Variants in PIP5K1C observed in about 807,000 individuals in gnomAD.
PIP5K1C encodes the protein phosphatidylinositol 4-phosphate 5-kinase type-1 gamma.
A neutral mutation model predicts 80.1 loss-of-function variants in PIP5K1C; 45 were observed. The ratio of observed to expected loss-of-function variants is 0.56; its 90% CI spans 0.44 to 0.72. PIP5K1C has a LOEUF of 0.72. PIP5K1C is among the 30% of genes least tolerant of loss of function. The pLI is 0.00. For missense variants in PIP5K1C, 753 were observed against 954.6 expected, an observed-to-expected ratio of 0.79 and a Z score of 2.78; for synonymous variants, 498 against 420.1, an observed-to-expected ratio of 1.19 and a Z score of -2.27.
intron 7 of PIP5K1C, 66 bp from the exon 8 acceptor site, chr19:3,652,097 A>ACCCT (rs1338175639): frequency 1.3e-6 from 2 of 1,512,528 alleles, no homozygotes; most frequent in African/African-American, 2.7e-5. Context: ...CGGCTCCCGG[A>ACCCT]CCCTATGGGG....
At chr19:3,663,809 A>G (rs377469818) in intron 3 of PIP5K1C, among the ~76,000 whole-genome samples, 9 of 152,348 alleles carry the variant, frequency 5.9e-5, no homozygotes, top group African/African-American at 2.2e-4. Context: ...TATGGAGAAC[A>G]GTTTGCGAGT....
intron 9 of PIP5K1C, 104 bp from the exon 10 acceptor site, chr19:3,647,490 C>A: frequency 1.0e-6 from 1 of 986,010 alleles, no homozygotes; most frequent in East Asian, 2.6e-5. Context: ...GGGCCATGGC[C>A]TCAAGCAGTC....
At chr19:3,683,522 C>T (rs575508660) in intron 1 of PIP5K1C, among the ~76,000 whole-genome samples, 1 of 152,238 alleles carries the variant, frequency 6.6e-6, no homozygotes, top group Non-Finnish European at 1.5e-5. Flanking sequence ...GGCTTAGTCA[C>T]GCAATTGTCC....
chr19:3,689,715 A>G (rs1167609951), intron 1 of PIP5K1C, among the ~76,000 whole-genome samples: 1 of 152,210 alleles, frequency 6.6e-6, no homozygotes, highest in Non-Finnish European at 1.5e-5. Context: ...TGCTTCAGGC[A>G]GAGAGGTACC....
At chr19:3,661,237 G>A (rs776825203) in intron 4 of PIP5K1C, among the ~76,000 whole-genome samples, 154 bp from the exon 5 acceptor site, 1 of 152,130 alleles carries the variant, frequency 6.6e-6, no homozygotes, top group African/African-American at 2.4e-5. Flanking sequence ...AGCAACAGGG[G>A]GCTCCCGATG....
chr19:3,643,991 C>A (rs951034285), intron 12 of PIP5K1C, 96 bp downstream of exon 12: 1 of 1,414,162 alleles, frequency 7.1e-7, no homozygotes, highest in Admixed American at 1.8e-5. Flanking sequence ...GGTGGCTGAG[C>A]GATGGGCACT....
rs142522645 is a variant in PIP5K1C at position 3,638,908 on chromosome 19, G to A, written c.1896C>T (p.Asp632=). The A allele has an allele frequency of 6.8e-6, 11 of 1,612,668 alleles. No homozygotes were observed. The highest frequency in any genetic ancestry group is 5.3e-5 in the African/African-American group (4 of 74,876). The part of the protein sequence containing the change: ...APASQASDEE[D]APATDIYFPT... Reference sequence around the variant, plus strand: ...CAAAGTAGATGTCGGTGGCGGGCGCGTCCTCCTCGTCCGAGGCCTGGCTGG... The same window carrying A: ...CAAAGTAGATGTCGGTGGCGGGCGCATCCTCCTCGTCCGAGGCCTGGCTGG... The change falls in exon 16 of 18, where the codon GAC becomes GAT. Residue 632 remains aspartate, a synonymous_variant. Transcript: ENST00000335312.
At chr19:3,646,747 T>C (rs1317434134) in intron 10 of PIP5K1C, among the ~76,000 whole-genome samples, 1 of 152,228 alleles carries the variant, frequency 6.6e-6, no homozygotes, top group Non-Finnish European at 1.5e-5. Context: ...CTGGACCTTC[T>C]ACACGCTCTT....
chr19:3,638,852 A>AAG, intron 16 of PIP5K1C, 32 bp downstream of exon 16: 1 of 1,612,364 alleles, frequency 6.2e-7, no homozygotes, highest in African/African-American at 1.3e-5. Context: ...CCGGTTGACG[A>AAG]GCCGGCGGCA....
chr19:3,636,389 C>A (rs896987664), intron 16 of PIP5K1C: 7 of 985,304 alleles, frequency 7.1e-6, no homozygotes, highest in Non-Finnish European at 8.4e-6. Flanking sequence ...CCTTCTGGCC[C>A]CCACACTTCC....
intron 12 of PIP5K1C, 38 bp downstream of exon 12, chr19:3,644,049 G>A (rs766720979): frequency 6.2e-7 from 1 of 1,606,438 alleles, no homozygotes; most frequent in South Asian, 1.1e-5. Flanking sequence ...GGCACCCCCT[G>A]TAGCGCCCAC....
In PIP5K1C at chr19:3,661,919, T is replaced by A; in HGVS notation, c.302A>T (p.Asp101Val). Residue 101 changes from aspartate (D) to valine (V), a missense_variant, in exon 4 of 18, where the codon GAC (aspartate) becomes GTC (valine). Around this residue, in one of 6 missense-constraint regions of PIP5K1C, gnomAD observed 139 missense variants for 289.7 expected, o/e 0.48. Coordinates refer to ENST00000335312, the MANE Select transcript of PIP5K1C (RefSeq NM_012398.3). ...CACGTAGAAGTCCTGCATGAGCACG[T>A]CGCGTTCGGGCTTGGAGCTCAGGTG... ...VGHLSSKPER[D>V]VLMQDFYVVE... 1 of 1,612,866 alleles carries A rather than the reference T, an allele frequency of 6.2e-7. No individual in the cohort carries two copies. The highest frequency in any genetic ancestry group is 8.5e-7 in the Non-Finnish European group (1 of 1,179,968).
At chr19:3,695,757 T>C (rs923492641) in intron 1 of PIP5K1C, among the ~76,000 whole-genome samples, 4 of 147,820 alleles carry the variant, frequency 2.7e-5, no homozygotes, top group Admixed American at 2.0e-4. Flanking sequence ...TGAGATACGA[T>C]TCTGCTGTCA....
chr19:3,642,955 A>T lies in PIP5K1C; in HGVS notation c.1650-16T>A, dbSNP rs1372139771. On this transcript the variant is annotated splice_polypyrimidine_tract_variant and intron_variant, in intron 13 of 17. Transcript: ENST00000335312. Reference sequence around the variant, plus strand: ...TGTGCGCCGCCTGCAGAGATACAGCAAACACGTGACACCCAGAAAGAGAGT... The same window carrying T: ...TGTGCGCCGCCTGCAGAGATACAGCTAACACGTGACACCCAGAAAGAGAGT... The T allele has an allele frequency of 6.2e-7, 1 of 1,613,320 alleles. No homozygotes were observed. The highest frequency in any genetic ancestry group is 8.5e-7 in the Non-Finnish European group (1 of 1,179,796).
Position 3,648,909 on chromosome 19 carries a change from C to G in PIP5K1C, c.1128-201G>C, listed in dbSNP as rs569828176. 3.9e-5 allele frequency among the ~76,000 whole-genome samples: 6 copies of G among 152,264 alleles called. No individual in the cohort carries two copies. The East Asian group carries it at 1.2e-3, about 29-fold the overall frequency. On this transcript the variant is annotated intron_variant, in intron 8 of 17. Transcript: ENST00000335312. The surrounding 1 kb of genome is among the most constrained non-coding windows in gnomAD (Gnocchi z 4.3). ...CCCCAGCCTCAAACCCAGGCCCAGG[C>G]ACTGCTGAGGAGTCCCAGCTAGGAG... is the stretch of plus-strand genomic sequence containing the variant.
At chr19:3,639,354 C>T (rs2033861488) in intron 15 of PIP5K1C, among the ~76,000 whole-genome samples, 1 of 152,188 alleles carries the variant, frequency 6.6e-6, no homozygotes, top group Non-Finnish European at 1.5e-5. Context: ...GCCTGTTCCT[C>T]CTCTGAGCCT....
chr19:3,696,603 C>CGGGGTG lies in PIP5K1C; in HGVS notation c.94+3688_94+3693dup, dbSNP rs2036108749. ...GACACAGATGGGAGGAGGGGCATTC[C>CGGGGTG]GGGGTGGGGGTGGGGGGCAGCCGTG... On this transcript the variant is annotated intron_variant, in intron 1 of 17. Coordinates refer to ENST00000335312, the MANE Select transcript of PIP5K1C (RefSeq NM_012398.3). The surrounding 1 kb of genome is among the most constrained non-coding windows in gnomAD (Gnocchi z 4.1). Among the ~76,000 whole-genome samples the CGGGGTG allele has an allele frequency of 3.4e-4, 2 of 5,926 alleles. No individual in the cohort carries two copies. The highest frequency in any genetic ancestry group is 1.5e-3 in the African/African-American group (2 of 1,314). The allele number at this position is 5,926 out of a possible 152,430, so 3.9% of individuals were successfully genotyped here. A position where few individuals can be genotyped will look rare whatever the true frequency, so the allele number is the denominator to read the frequency against.
At chr19:3,647,473 G>GT in intron 9 of PIP5K1C, 87 bp from the exon 10 acceptor site, 1 of 1,146,876 alleles carries the variant, frequency 8.7e-7, no homozygotes, top group Non-Finnish European at 1.3e-6. Context: ...GCACCCCCCA[G>GT]GACACTGGGC....
intron 1 of PIP5K1C, among the ~76,000 whole-genome samples, chr19:3,695,531 G>A (rs543634872): frequency 4.7e-4 from 72 of 152,280 alleles, no homozygotes; most frequent in African/African-American, 1.7e-3. Flanking sequence ...ATGCAATGGC[G>A]CTGGGTGTGA....
Sources: gnomAD v4.1 joint callset for allele counts (sites outside exome capture counted in the v4.1 genomes callset) on GRCh38, gnomAD v4.1.1 for gene constraint, gnomAD v4.1.1 regional missense constraint, Gnocchi (gnomAD v3.1) non-coding constraint, MANE v1.5 for transcripts, NCBI Gene and HGNC (gene_info 2026-07-23, HGNC 2026-07-21) for gene names.